PARVA: variants seen among roughly 807,000 people sequenced by gnomAD.
The protein encoded by PARVA is parvin alpha.
In PARVA, 25 loss-of-function variants were observed where a neutral mutation model predicts 52.6. The ratio of observed to expected loss-of-function variants is 0.48; its 90% CI spans 0.35 to 0.66. PARVA has a LOEUF of 0.66. Among genes scored for constraint, PARVA ranks in the 30% least tolerant of loss-of-function variants. The probability of loss-of-function intolerance (pLI) is 0.01; values close to 1 mark genes in which losing one functional copy is unlikely to be tolerated. For synonymous variants in PARVA, 185 were observed against 179.1 expected (o/e 1.03, Z -0.26); for missense variants, 373 against 450.9 (o/e 0.83, Z 1.56).
chr11:12,433,992 A>AT (rs1295999380), intron 1 of PARVA, among the ~76,000 whole-genome samples: 1 of 152,190 alleles, frequency 6.6e-6, no homozygotes, highest in Non-Finnish European at 1.5e-5. Flanking sequence ...GATCCCACAG[A>AT]TAAAAATAAG....
At chr11:12,473,372 G>T (rs145057741) in intron 1 of PARVA, among the ~76,000 whole-genome samples, 1 of 152,122 alleles carries the variant, frequency 6.6e-6, no homozygotes, top group African/African-American at 2.4e-5. Flanking sequence ...GCACACAGTC[G>T]CCGGGCACCA....
At chr11:12,441,324 C>G (rs1321751764) in intron 1 of PARVA, among the ~76,000 whole-genome samples, 1 of 151,742 alleles carries the variant, frequency 6.6e-6, no homozygotes, top group African/African-American at 2.4e-5. Flanking sequence ...AAAATTTTTG[C>G]CTCTATACTC....
chr11:12,496,597 T>C lies in PARVA; in HGVS notation c.540T>C (p.Asp180=). Residue 180 remains aspartate, a splice_region_variant and synonymous_variant, in exon 5 of 13, where the codon GAT becomes GAC. Transcript: ENST00000334956. ...CCAGGAGCATCAAGTGGAATGTGGA[T>C]TGTGAGTTGAACAAAGGAAAGGGGC... The part of the protein sequence containing the change: ...LPPRSIKWNV[D]SVHAKSLVAI... 3.7e-6 allele frequency: 6 copies of C among 1,611,422 alleles called. No individual in the cohort carries two copies. The highest frequency in any genetic ancestry group is 4.2e-6 in the Non-Finnish European group (5 of 1,178,984).
At position 12,531,257 on chromosome 11, in the gene PARVA, G is replaced by A. The variant is rs1401330698; in HGVS notation, c.*3332G>A. ...GCTTCTTTATCAGCACATCATCAGT[G>A]TTGCCTCGAGTTGGTTGCAATTTTC... On this transcript the variant is annotated 3_prime_UTR_variant, in exon 13 of 13. Coordinates refer to ENST00000334956, the MANE Select transcript of PARVA (RefSeq NM_018222.5). 6.6e-6 allele frequency among the ~76,000 whole-genome samples: 1 copy of A among 152,182 alleles called. No individual in the cohort carries two copies. The highest frequency in any genetic ancestry group is 6.5e-5 in the Admixed American group (1 of 15,286).
At chr11:12,410,407 G>C (rs1939977449) in intron 1 of PARVA, among the ~76,000 whole-genome samples, 1 of 152,248 alleles carries the variant, frequency 6.6e-6, no homozygotes, top group Admixed American at 6.5e-5. Context: ...CATCTCTTGG[G>C]CTGCGGTTAT....
chr11:12,513,913 G>C (rs1941535398), intron 9 of PARVA, 84 bp from the exon 10 acceptor site: 3 of 1,232,898 alleles, frequency 2.4e-6, no homozygotes, highest in African/African-American at 1.5e-5. Context: ...CCTCACCCTT[G>C]CCCTCACGGG....
intron 4 of PARVA, 58 bp downstream of exon 4, chr11:12,478,007 T>TGCA: frequency 4.4e-6 from 4 of 900,760 alleles, no homozygotes; most frequent in Non-Finnish European, 7.6e-6. Context: ...TTGGATCACC[T>TGCA]ACTTGTAGCT....
chr11:12,498,687 G>T lies in PARVA; in HGVS notation c.541+2089G>T, dbSNP rs1314868654. ...CCTCCTGGGTTCAAGCAGTTCTCCTGCCTCAGCCTCCTGAGTAGCTGGGAT... is the reference window on the plus strand; with the variant it reads ...CCTCCTGGGTTCAAGCAGTTCTCCTTCCTCAGCCTCCTGAGTAGCTGGGAT... On this transcript the variant is annotated intron_variant, in intron 5 of 12. Coordinates refer to ENST00000334956, the MANE Select transcript of PARVA (RefSeq NM_018222.5). Among the ~76,000 whole-genome samples the T allele has an allele frequency of 3.3e-5, 5 of 149,784 alleles. No individual in the cohort carries two copies. In the South Asian group the frequency reaches 8.5e-4, roughly 26 times the overall value.
chr11:12,384,899 A>G (rs1045751220), intron 1 of PARVA, among the ~76,000 whole-genome samples: 4 of 152,220 alleles, frequency 2.6e-5, no homozygotes, highest in Non-Finnish European at 5.9e-5. Flanking sequence ...ACTCAGAGTT[A>G]GATGGGAAGG....
At chr11:12,427,423 C>A (rs1053198931) in intron 1 of PARVA, among the ~76,000 whole-genome samples, 2 of 152,164 alleles carry the variant, frequency 1.3e-5, no homozygotes, top group Admixed American at 6.5e-5. Flanking sequence ...CTTCCTAGCA[C>A]AGAAAAATGA....
At chr11:12,463,976 C>CTT (rs71037069) in intron 1 of PARVA, among the ~76,000 whole-genome samples, 8,851 of 135,476 alleles carry the variant, frequency 0.065, 726 homozygotes, top group African/African-American at 0.17. Flanking sequence ...GACATCCCTC[C>CTT]TTTTTTTTTT....
chr11:12,473,949 C>G lies in PARVA; in HGVS notation c.263C>G (p.Ser88Ter). Residue 88 changes from serine (S) to a stop codon, truncating the protein, a stop_gained, in exon 3 of 13, where the codon TCA (serine) becomes TGA (stop). Coordinates refer to ENST00000334956, the MANE Select transcript of PARVA (RefSeq NM_018222.5). LOFTEE classifies it high-confidence loss of function. Reference protein sequence around the residue: ...NEVRTMVDPNSRSDPKLQELM... With the variant: ...NEVRTMVDPN ...GTGCGAACAATGGTGGATCCAAACT[C>G]ACGCAGTGACCCCAAGCTTCAAGAA... 6.3e-7 allele frequency: 1 copy of G among 1,582,784 alleles called. No homozygotes were observed. The highest frequency in any genetic ancestry group is 8.6e-7 in the Non-Finnish European group (1 of 1,164,464).
intron 1 of PARVA, 48 bp downstream of exon 1, chr11:12,377,831 C>A (rs757290566): frequency 1.4e-6 from 2 of 1,416,176 alleles, no homozygotes; most frequent in Admixed American, 3.1e-5. Context: ...CCGGGGGTGC[C>A]GTAGGGGCCG....
chr11:12,527,456 C>A (rs1042618862), intron 12 of PARVA, among the ~76,000 whole-genome samples: 2 of 152,176 alleles, frequency 1.3e-5, no homozygotes, highest in Non-Finnish European at 2.9e-5. Context: ...CTGAGTACTC[C>A]TTGCAAGTCC....
At position 12,388,162 on chromosome 11, in the gene PARVA, G is replaced by A. The variant is rs189735006; in HGVS notation, c.136+10379G>A. ...CCCAAAAGACAGAACTCACCAAGAG[G>A]AGAAGATGGCTGGAGGGCACACCTT... On this transcript the variant is annotated intron_variant, in intron 1 of 12. Coordinates refer to ENST00000334956, the MANE Select transcript of PARVA (RefSeq NM_018222.5). Among the ~76,000 whole-genome samples, 560 of 152,328 alleles carry A rather than the reference G, an allele frequency of 3.7e-3. 4 individuals are homozygous for A. The highest frequency in any genetic ancestry group is 0.011 in the African/African-American group (459 of 41,582).
intron 1 of PARVA, among the ~76,000 whole-genome samples, chr11:12,399,031 G>T (rs1939789048): frequency 6.6e-6 from 1 of 152,172 alleles, no homozygotes; most frequent in Non-Finnish European, 1.5e-5. Flanking sequence ...ATAAACTGAG[G>T]CACAGAGAGG....
chr11:12,405,196 G>T (rs559154521), intron 1 of PARVA, among the ~76,000 whole-genome samples: 3 of 152,276 alleles, frequency 2.0e-5, no homozygotes, highest in African/African-American at 7.2e-5. Context: ...GTGGGGCTGG[G>T]ACAGGTCCAG....
chr11:12,466,702 T>C (rs2135029020), intron 1 of PARVA, among the ~76,000 whole-genome samples: 1 of 151,666 alleles, frequency 6.6e-6, no homozygotes, highest in Admixed American at 6.5e-5. Context: ...CAACCGTAGG[T>C]CACACAGATT....
At chr11:12,503,398 A>C (rs1014403050) in intron 5 of PARVA, among the ~76,000 whole-genome samples, 1 of 152,152 alleles carries the variant, frequency 6.6e-6, no homozygotes, top group Admixed American at 6.6e-5. Context: ...TGCAGAGCAG[A>C]CATGCTTATG....
Sources: allele counts gnomAD v4.1 joint callset (sites outside exome capture counted in the v4.1 genomes callset), GRCh38; gene constraint gnomAD v4.1.1; transcripts MANE v1.5; gene names NCBI Gene and HGNC (gene_info 2026-07-23, HGNC 2026-07-21).